The following NCAM1 variants were observed in gnomAD, a reference collection of about 807,000 sequenced individuals.
The protein encoded by NCAM1 is antigen recognized by monoclonal antibody 5.1H11.
A neutral mutation model predicts 109.8 loss-of-function variants in NCAM1; 14 were observed. The ratio of observed to expected loss-of-function variants is 0.13; its 90% CI spans 0.08 to 0.20. The LOEUF (loss-of-function observed/expected upper bound fraction) is 0.20. NCAM1 is among the 10% of genes least tolerant of loss of function. NCAM1 has a pLI of 1.00. For missense variants in NCAM1, 774 were observed against 1,109.9 expected (o/e 0.70, Z 4.30); for synonymous variants, 418 against 442.9 (o/e 0.94, Z 0.70).
intron 1 of NCAM1, among the ~76,000 whole-genome samples, chr11:113,027,336 T>C (rs1403842079): frequency 6.6e-6 from 1 of 152,148 alleles, no homozygotes; most frequent in Non-Finnish European, 1.5e-5. Flanking sequence ...ACATAACCAA[T>C]GTTGTAGGAA....
chr11:113,096,990 T>C (rs1281719411), intron 1 of NCAM1, among the ~76,000 whole-genome samples: 1 of 152,116 alleles, frequency 6.6e-6, no homozygotes, highest in Non-Finnish European at 1.5e-5. Flanking sequence ...TGATTACCAT[T>C]TGTTGAACCC....
intron 1 of NCAM1, among the ~76,000 whole-genome samples, chr11:113,062,645 G>A (rs1004912929): frequency 4.6e-5 from 7 of 152,052 alleles, no homozygotes; most frequent in Non-Finnish European, 8.8e-5. Context: ...GGTCAGGGAC[G>A]ACCTCTCCAA....
At position 113,124,147 on chromosome 11, in the gene NCAM1, A is replaced by G. The variant is rs137945122; in HGVS notation, c.53-78232A>G. On this transcript the variant is annotated intron_variant, in intron 1 of 19. Transcript: ENST00000316851. Reference sequence around the variant, plus strand: ...TAGGGAAAGAAGAAGGGAAAGCTGTAGCTACTCTCACTAGGCAGAAGACCC... The same window carrying G: ...TAGGGAAAGAAGAAGGGAAAGCTGTGGCTACTCTCACTAGGCAGAAGACCC... Among the ~76,000 whole-genome samples, 235 of 152,302 alleles carry G rather than the reference A, an allele frequency of 1.5e-3. 4 individuals carry two copies. Among genetic ancestry groups the G allele is most frequent in the Admixed American group, 0.014 (220 of 15,310 alleles).
chr11:113,033,141 GT>G (rs1952770649), intron 1 of NCAM1, among the ~76,000 whole-genome samples: 1 of 152,182 alleles, frequency 6.6e-6, no homozygotes, highest in African/African-American at 2.4e-5. Context: ...ACTGCTTCTG[GT>G]TTTAGAATTA....
intron 1 of NCAM1, among the ~76,000 whole-genome samples, chr11:113,201,005 A>T (rs575092518): frequency 6.6e-6 from 1 of 152,058 alleles, no homozygotes; most frequent in East Asian, 1.9e-4. Context: ...CAGCGTCAGC[A>T]TCTTCCCCCT....
chr11:113,183,768 C>G (rs923315438), intron 1 of NCAM1, among the ~76,000 whole-genome samples: 1 of 133,040 alleles, frequency 7.5e-6, no homozygotes, highest in Non-Finnish European at 1.5e-5. Flanking sequence ...CAAATGACCT[C>G]CTCAACCTTG....
At chr11:113,054,685 A>G (rs926336969) in intron 1 of NCAM1, among the ~76,000 whole-genome samples, 2 of 152,190 alleles carry the variant, frequency 1.3e-5, no homozygotes, top group African/African-American at 4.8e-5. Context: ...CCAGTCTCCA[A>G]GTCTTTTTAG....
intron 15 of NCAM1, among the ~76,000 whole-genome samples, chr11:113,248,090 T>C (rs1182011969): frequency 1.3e-5 from 2 of 152,182 alleles, no homozygotes; most frequent in Non-Finnish European, 2.9e-5. Context: ...AGGTAGACAC[T>C]AATTCATTCC....
At chr11:113,068,674 C>T (rs535510963) in intron 1 of NCAM1, among the ~76,000 whole-genome samples, 13 of 152,282 alleles carry the variant, frequency 8.5e-5, no homozygotes, top group Admixed American at 7.8e-4. Flanking sequence ...TCTTACAGAA[C>T]ATATTGTGAT....
chr11:113,142,338 C>A (rs1168488494), intron 1 of NCAM1, among the ~76,000 whole-genome samples: 8 of 152,140 alleles, frequency 5.3e-5, no homozygotes, highest in Admixed American at 3.3e-4. Flanking sequence ...GGCATGTCCA[C>A]CACATAAATC....
At chr11:112,969,768 G>T (rs1334348489) in intron 1 of NCAM1, among the ~76,000 whole-genome samples, 2 of 152,186 alleles carry the variant, frequency 1.3e-5, no homozygotes, top group Non-Finnish European at 2.9e-5. Flanking sequence ...GCAAAGTTCT[G>T]TGCTAGAGGC....
intron 7 of NCAM1, among the ~76,000 whole-genome samples, chr11:113,210,775 A>AACACACACACACACACACACACAC (rs35387760): frequency 3.1e-5 from 4 of 130,980 alleles, no homozygotes; most frequent in East Asian, 4.6e-4. Flanking sequence ...CTTCATCACA[A>AACACACACACACACACACACACAC]ACACACACAC....
chr11:113,149,961 A>G (rs1481955743), intron 1 of NCAM1, among the ~76,000 whole-genome samples: 1 of 152,228 alleles, frequency 6.6e-6, no homozygotes. Context: ...TGGGCAGCAT[A>G]TATGTGGGAG....
At chr11:113,024,275 C>T (rs1205865204) in intron 1 of NCAM1, among the ~76,000 whole-genome samples, 1 of 152,180 alleles carries the variant, frequency 6.6e-6, no homozygotes. Flanking sequence ...ATCTACTGCC[C>T]TCGGTTTTGA....
intron 11 of NCAM1, 141 bp from the exon 12 acceptor site, chr11:113,232,577 C>A: frequency 1.2e-6 from 1 of 825,282 alleles, no homozygotes; most frequent in South Asian, 1.7e-5. Flanking sequence ...CTATTCTTTT[C>A]TCTTGTTTAA....
rs183662757 is a variant in NCAM1 at position 113,072,595 on chromosome 11, C to T, written c.52+110931C>T. On this transcript the variant is annotated intron_variant, in intron 1 of 19. Transcript: ENST00000316851. ...ACATTACCTAACCATAGAGGGTTAACGTTTTGGGACCAACCTCATCTGGTG... is the reference window on the plus strand; with the variant it reads ...ACATTACCTAACCATAGAGGGTTAATGTTTTGGGACCAACCTCATCTGGTG... Among the ~76,000 whole-genome samples the T allele has an allele frequency of 1.4e-4, 22 of 152,184 alleles. No homozygotes were observed. The South Asian group carries it at 1.9e-3, about 13-fold the overall frequency.
intron 14 of NCAM1, 72 bp from the exon 15 acceptor site, chr11:113,246,296 G>C: frequency 7.0e-6 from 5 of 709,686 alleles, no homozygotes; most frequent in Non-Finnish European, 1.3e-5. Flanking sequence ...CCAATATCAT[G>C]TGCGTGCGTA....
intron 1 of NCAM1, among the ~76,000 whole-genome samples, chr11:112,976,061 T>C (rs989906571): frequency 2.6e-5 from 4 of 151,942 alleles, no homozygotes; most frequent in African/African-American, 9.7e-5. Context: ...ATATTTTTGC[T>C]GCCCTGTGCA....
chr11:113,002,222 T>C (rs1277873102), intron 1 of NCAM1, among the ~76,000 whole-genome samples: 1 of 152,204 alleles, frequency 6.6e-6, no homozygotes, highest in Non-Finnish European at 1.5e-5. Context: ...AGGAGAAACC[T>C]GTGTTCATTG....
Sources: gnomAD v4.1 joint callset for allele counts (sites outside exome capture counted in the v4.1 genomes callset) on GRCh38, gnomAD v4.1.1 for gene constraint, MANE v1.5 for transcripts, NCBI Gene and HGNC (gene_info 2026-07-23, HGNC 2026-07-21) for gene names.